The following SLC24A2 variants were observed in gnomAD, a reference collection of about 807,000 sequenced individuals.
SLC24A2 encodes sodium/potassium/calcium exchanger 2.
Under a neutral mutation model 62.0 loss-of-function variants are expected in SLC24A2, and 36 were observed. The ratio of observed to expected loss-of-function variants is 0.58; its 90% CI spans 0.44 to 0.77. The LOEUF (loss-of-function observed/expected upper bound fraction) is 0.77, where lower values mean the gene tolerates loss of function less well. Ranked by LOEUF, SLC24A2 falls within the 30% of genes least tolerant of loss-of-function variation. SLC24A2 has a pLI of 0.00. For synonymous variants in SLC24A2, 358 were observed against 294.0 expected, an observed-to-expected ratio of 1.22 and a Z score of -2.23; for missense variants, 846 against 817.9, an observed-to-expected ratio of 1.03 and a Z score of -0.42.
At chr9:19,717,084 C>T (rs1363939225) in intron 2 of SLC24A2, among the ~76,000 whole-genome samples, 1 of 152,110 alleles carries the variant, frequency 6.6e-6, no homozygotes, top group African/African-American at 2.4e-5. Context: ...GCTCACTTTG[C>T]CAGAGACAGT....
the SLC24A2 span, among the ~76,000 whole-genome samples, chr9:19,943,001 T>A: frequency 1.3e-5 from 2 of 152,184 alleles, no homozygotes; most frequent in South Asian, 2.1e-4. Flanking sequence ...AAGAAATAGA[T>A]CCTTTCAGAA....
rs1300061883 is a variant in SLC24A2, at chr9:19,636,302, T to TCC, written c.931-14004_931-14003insGG. On this transcript the variant is annotated intron_variant, in intron 2 of 10. Transcript: ENST00000341998. ...TCTTCTTCTCTTCTTTTCTTTTCTT[T>TCC]TCTTTTCTTTTCTTTTCTTTCTTTC... Among the ~76,000 whole-genome samples, 20 of 44,506 alleles carry TCC rather than the reference T, an allele frequency of 4.5e-4. 1 individual carries two copies. The highest frequency in any genetic ancestry group is 1.6e-3 in the African/African-American group (18 of 10,954). The allele number at this position is 44,506 out of a possible 152,430, so 29.2% of individuals were successfully genotyped here.
the SLC24A2 span, among the ~76,000 whole-genome samples, chr9:20,033,315 T>C: frequency 2.0e-5 from 3 of 152,214 alleles, no homozygotes. Flanking sequence ...TTAATTGTTC[T>C]AAGCCTCAAT....
the SLC24A2 span, among the ~76,000 whole-genome samples, chr9:19,955,474 T>G: frequency 4.6e-5 from 7 of 151,562 alleles, no homozygotes; most frequent in African/African-American, 1.7e-4. Context: ...AAGACACAGA[T>G]AAGTTGTCTT....
At chr9:19,605,860 G>T (rs544059017) in intron 4 of SLC24A2, among the ~76,000 whole-genome samples, 2 of 152,348 alleles carry the variant, frequency 1.3e-5, no homozygotes, top group African/African-American at 4.8e-5. Flanking sequence ...GAGAAGTTAA[G>T]TAACTTGCCC....
At chr9:19,550,401 T>C (rs552123889) in intron 7 of SLC24A2, 133 bp from the exon 8 acceptor site, 412 of 819,638 alleles carry the variant, frequency 5.0e-4, no homozygotes, top group Non-Finnish European at 7.5e-4. Flanking sequence ...TAGCTTCATA[T>C]GTGTGATTTT....
intron 2 of SLC24A2, among the ~76,000 whole-genome samples, chr9:19,729,035 A>G (rs1821256640): frequency 6.6e-6 from 1 of 152,188 alleles, no homozygotes; most frequent in South Asian, 2.1e-4. Flanking sequence ...CACCTTCCAC[A>G]TAGTAAATAG....
the SLC24A2 span, among the ~76,000 whole-genome samples, chr9:20,205,024 C>T: frequency 6.6e-6 from 1 of 152,094 alleles, no homozygotes; most frequent in South Asian, 2.1e-4. Context: ...GGATTGCAGG[C>T]GTGAGCCACT....
At chr9:19,866,497 C>A in the SLC24A2 span, among the ~76,000 whole-genome samples, 1 of 152,020 alleles carries the variant, frequency 6.6e-6, no homozygotes, top group African/African-American at 2.4e-5. Flanking sequence ...GGTATTTGTA[C>A]ACAATGGAGT....
chr9:19,833,819 C>G, the SLC24A2 span, among the ~76,000 whole-genome samples: 1 of 152,234 alleles, frequency 6.6e-6, no homozygotes, highest in Non-Finnish European at 1.5e-5. Flanking sequence ...AACTGGGGGG[C>G]ACCCCCAACT....
chr9:19,677,640 T>C (rs977619110), intron 2 of SLC24A2, among the ~76,000 whole-genome samples: 1 of 152,142 alleles, frequency 6.6e-6, no homozygotes, highest in African/African-American at 2.4e-5. Context: ...TCAATTCTCA[T>C]GAATTTTGGC....
chr9:19,852,543 G>T, the SLC24A2 span, among the ~76,000 whole-genome samples: 3 of 152,140 alleles, frequency 2.0e-5, no homozygotes, highest in African/African-American at 7.2e-5. Context: ...CATACAGCTA[G>T]CCAGCTCTCC....
the SLC24A2 span, among the ~76,000 whole-genome samples, chr9:20,141,190 T>G: frequency 2.2e-4 from 34 of 152,250 alleles, no homozygotes; most frequent in East Asian, 3.5e-3. Context: ...CTGGTATAAT[T>G]AAGAATGAAT....
At chr9:20,191,123 T>C in the SLC24A2 span, among the ~76,000 whole-genome samples, 1 of 151,534 alleles carries the variant, frequency 6.6e-6, no homozygotes, top group Non-Finnish European at 1.5e-5. Flanking sequence ...GGTCATAAAA[T>C]TGGCCTAATC....
chr9:19,508,200 A>G lies in SLC24A2; in HGVS notation c.*7953T>C, dbSNP rs546715672. The G allele has an allele frequency of 2.9e-4, 44 of 152,268 alleles. No individual in the cohort carries two copies. Among genetic ancestry groups the G allele is most frequent in the African/African-American group, 3.9e-4 (16 of 41,538 alleles). The allele number at this position is 152,268 out of a possible 1,614,324, so 9.4% of individuals were successfully genotyped here. ...AATATCAAGGCTAGATGCAGGGTAT[A>G]TATGTGTACTTTGTGTTCAGGGTTC... On this transcript the variant is annotated 3_prime_UTR_variant, in exon 11 of 11. Coordinates refer to ENST00000341998, the MANE Select transcript of SLC24A2 (RefSeq NM_020344.4).
chr9:20,212,094 A>G, the SLC24A2 span, among the ~76,000 whole-genome samples: 1 of 148,874 alleles, frequency 6.7e-6, no homozygotes. Flanking sequence ...TAAATTTTAA[A>G]CATTCAGTGA....
At chr9:19,910,564 C>T in the SLC24A2 span, among the ~76,000 whole-genome samples, 2 of 152,078 alleles carry the variant, frequency 1.3e-5, no homozygotes, top group African/African-American at 4.8e-5. Context: ...TCATCTCCAG[C>T]CTCACTAACT....
intron 7 of SLC24A2, among the ~76,000 whole-genome samples, chr9:19,557,192 T>C (rs1225240187): frequency 2.0e-5 from 3 of 152,188 alleles, no homozygotes; most frequent in African/African-American, 4.8e-5. Context: ...AAAATAGATA[T>C]GAATGGGCTT....
chr9:19,859,231 C>T, the SLC24A2 span, among the ~76,000 whole-genome samples: 1 of 152,018 alleles, frequency 6.6e-6, no homozygotes, highest in Non-Finnish European at 1.5e-5. Flanking sequence ...TTATCTTAAG[C>T]AAAATAACAC....
Sources: gnomAD v4.1 joint callset for allele counts (sites outside exome capture counted in the v4.1 genomes callset) on GRCh38, gnomAD v4.1.1 for gene constraint, MANE v1.5 for transcripts, NCBI Gene and HGNC (gene_info 2026-07-23, HGNC 2026-07-21) for gene names.